EFCAB13: variants seen among roughly 807,000 people sequenced by gnomAD.
The protein encoded by EFCAB13 is EF-hand calcium-binding domain-containing protein 13.
A neutral mutation model predicts 110.2 loss-of-function variants in EFCAB13; 91 were observed. That is an observed-to-expected ratio of 0.83 (90% CI 0.70 to 0.98). EFCAB13 has a LOEUF of 0.98. Ranked by LOEUF, EFCAB13 falls within the 50% of genes least tolerant of loss-of-function variation. EFCAB13 has a pLI of 0.00. For synonymous variants in EFCAB13, 323 were observed against 369.9 expected (o/e 0.87, Z 1.45); for missense variants, 968 against 1,119.4 (o/e 0.86, Z 1.93).
Position 47,395,843 on chromosome 17 carries a change from A to G in EFCAB13, c.1811A>G (p.Asp604Gly), listed in dbSNP as rs868693776. ...ECFSEKLVLP[D>G]AIETLDDLRK... ...TTTATCTACCCTTTAGTATTGCCTG[A>G]TGCTATTGAAACCCTCGACGATCTC... The change falls in exon 17 of 25, where the codon GAT becomes GGT. Residue 604 changes from aspartate to glycine, a missense_variant. By Grantham distance (94) the Asp-to-Gly change is moderately conservative. Transcript: ENST00000331493. 1.2e-6 allele frequency: 2 copies of G among 1,607,258 alleles called. No individual in the cohort carries two copies. The highest frequency in any genetic ancestry group is 2.2e-5 in the East Asian group (1 of 44,802).
chr17:47,424,828 C>G (rs557633985), intron 23 of EFCAB13, among the ~76,000 whole-genome samples: 1 of 149,904 alleles, frequency 6.7e-6, no homozygotes, highest in African/African-American at 2.5e-5. Context: ...CTGAGCAAAC[C>G]CTTCCTGGAA....
In EFCAB13 at chr17:47,440,874, C is replaced by A; in HGVS notation, c.*160C>A. ...ATGTTCTCATGTATCTTCAGCGACTCTCTTGATCACACTTTTTAAACATTC... is the reference window on the plus strand; with the variant it reads ...ATGTTCTCATGTATCTTCAGCGACTATCTTGATCACACTTTTTAAACATTC... On this transcript the variant is annotated 3_prime_UTR_variant, in exon 25 of 25. Transcript: ENST00000331493. 1.9e-6 allele frequency: 1 copy of A among 539,364 alleles called. No homozygotes were observed. The highest frequency in any genetic ancestry group is 3.1e-6 in the Non-Finnish European group (1 of 322,810). The allele number at this position is 539,364 out of a possible 1,614,324, so 33.4% of individuals were successfully genotyped here.
At chr17:47,354,376 TTC>T (rs1384456775) in intron 9 of EFCAB13, among the ~76,000 whole-genome samples, 17 of 152,188 alleles carry the variant, frequency 1.1e-4, no homozygotes, top group African/African-American at 3.9e-4. Context: ...TTCTGTAAAT[TTC>T]TGTTAGATCA....
At chr17:47,385,733 T>C (rs1322956422) in intron 14 of EFCAB13, among the ~76,000 whole-genome samples, 1 of 152,132 alleles carries the variant, frequency 6.6e-6, no homozygotes, top group African/African-American at 2.4e-5. Flanking sequence ...CATTCTGGTT[T>C]TTGGAATTTT....
intron 24 of EFCAB13, among the ~76,000 whole-genome samples, chr17:47,432,577 G>A (rs1408932416): frequency 6.6e-6 from 1 of 152,000 alleles, no homozygotes; most frequent in African/African-American, 2.4e-5. Context: ...GTGACAAAGT[G>A]AGACCCTGTC....
intron 10 of EFCAB13, among the ~76,000 whole-genome samples, chr17:47,369,093 G>A (rs2065566384): frequency 6.6e-6 from 1 of 152,132 alleles, no homozygotes; most frequent in Non-Finnish European, 1.5e-5. Flanking sequence ...TTCATGAGCT[G>A]GTGAAAAATG....
intron 9 of EFCAB13, among the ~76,000 whole-genome samples, chr17:47,360,895 G>A (rs567920555): frequency 2.4e-4 from 37 of 152,008 alleles, no homozygotes; most frequent in African/African-American, 7.5e-4. Flanking sequence ...AGTTTTTTTT[G>A]TGGAAAATTA....
chr17:47,385,522 G>T (rs113491530), intron 14 of EFCAB13, among the ~76,000 whole-genome samples: 4 of 151,816 alleles, frequency 2.6e-5, no homozygotes, highest in African/African-American at 9.7e-5. Context: ...CTCTAAATTG[G>T]TTGTTCTATT....
intron 4 of EFCAB13, chr17:47,329,182 G>C (rs1338437142): frequency 1.3e-5 from 2 of 152,138 alleles, no homozygotes; most frequent in Non-Finnish European, 2.9e-5. Context: ...GGAATTTTGA[G>C]GGGGTGTGTC....
At chr17:47,382,397 A>G (rs113011238) in intron 14 of EFCAB13, among the ~76,000 whole-genome samples, 11 of 152,160 alleles carry the variant, frequency 7.2e-5, no homozygotes, top group African/African-American at 2.7e-4. Flanking sequence ...TACTATGTTG[A>G]ATAGGAGTGG....
intron 14 of EFCAB13, among the ~76,000 whole-genome samples, chr17:47,380,423 T>C (rs1265558564): frequency 1.3e-5 from 2 of 152,246 alleles, no homozygotes; most frequent in Non-Finnish European, 2.9e-5. Flanking sequence ...TTCTTTGTTA[T>C]GGCTGCATAG....
chr17:47,330,200 G>A (rs898561233), intron 4 of EFCAB13, among the ~76,000 whole-genome samples: 2 of 150,894 alleles, frequency 1.3e-5, no homozygotes, highest in Admixed American at 6.6e-5. Flanking sequence ...ATTTCTTTTT[G>A]GGGGGGTGGG....
At chr17:47,419,592 GATA>G (rs1185250169) in intron 23 of EFCAB13, among the ~76,000 whole-genome samples, 2 of 152,158 alleles carry the variant, frequency 1.3e-5, no homozygotes, top group African/African-American at 2.4e-5. Context: ...TAATAATGAT[GATA>G]ATAATAATAA....
At chr17:47,410,197 GC>G (rs2065827340) in intron 21 of EFCAB13, among the ~76,000 whole-genome samples, 1 of 152,156 alleles carries the variant, frequency 6.6e-6, no homozygotes, top group Admixed American at 6.5e-5. Context: ...TCTAGTGAGG[GC>G]CTTATTGCTG....
intron 14 of EFCAB13, among the ~76,000 whole-genome samples, chr17:47,386,070 G>A (rs1004739736): frequency 2.4e-4 from 37 of 152,200 alleles, no homozygotes; most frequent in Non-Finnish European, 4.4e-5. Flanking sequence ...GACAATCGCT[G>A]TTGGGAGGTC....
intron 14 of EFCAB13, among the ~76,000 whole-genome samples, chr17:47,390,657 A>G (rs2065701545): frequency 6.6e-6 from 1 of 152,204 alleles, no homozygotes; most frequent in Non-Finnish European, 1.5e-5. Flanking sequence ...AGGTGAATTT[A>G]CCAAAGACTG....
At chr17:47,336,271 C>A (rs1305648608) in intron 5 of EFCAB13, among the ~76,000 whole-genome samples, 1 of 150,466 alleles carries the variant, frequency 6.6e-6, no homozygotes, top group Admixed American at 6.6e-5. Context: ...GGACTACAGG[C>A]GTGCGCCGTC....
intron 6 of EFCAB13, among the ~76,000 whole-genome samples, chr17:47,342,960 T>G (rs1426413723): frequency 1.1e-4 from 17 of 152,152 alleles, no homozygotes; most frequent in Admixed American, 1.1e-3. Context: ...TCCAGAAATT[T>G]TATTTGATGG....
rs568412505 is a variant in EFCAB13, at chr17:47,425,412, G to T, written c.2495-4406G>T. Among the ~76,000 whole-genome samples the T allele has an allele frequency of 2.0e-5, 3 of 152,290 alleles. No individual in the cohort carries two copies. In the South Asian group the frequency reaches 6.2e-4, roughly 32 times the overall value. ...TTCCTCTCACTCTGTGTGTGATGAA[G>T]GTGCTATAGGTTATTGTACTGACCA... On this transcript the variant is annotated intron_variant, in intron 23 of 24. Coordinates refer to ENST00000331493, the MANE Select transcript of EFCAB13 (RefSeq NM_152347.5).
Sources: allele counts gnomAD v4.1 joint callset (sites outside exome capture counted in the v4.1 genomes callset), GRCh38; gene constraint gnomAD v4.1.1; transcripts MANE v1.5; gene names NCBI Gene and HGNC (gene_info 2026-07-23, HGNC 2026-07-21).